Variants in APOOL observed in about 807,000 individuals in gnomAD.
The protein encoded by APOOL is MICOS complex subunit MIC27.
APOOL carries 12 observed loss-of-function variants against 23.1 expected under a neutral mutation model. The observed-to-expected ratio is 0.52, with a 90% CI of 0.33 to 0.84. The LOEUF is 0.84. Among genes scored for constraint, APOOL ranks in the 40% least tolerant of loss-of-function variants. The probability of loss-of-function intolerance (pLI) is 0.02; values close to 1 mark genes in which losing one functional copy is unlikely to be tolerated. For synonymous variants in APOOL, 77 were observed against 69.9 expected (o/e 1.10, Z -0.51); for missense variants, 212 against 199.6 (o/e 1.06, Z -0.37).
At chrX:85,020,875 C>T (rs767078094) in intron 1 of APOOL, among the ~76,000 whole-genome samples, 2 of 111,591 alleles carry the variant, frequency 1.8e-5, no homozygotes, top group South Asian at 7.6e-4. Flanking sequence ...TCCAGGCCTC[C>T]CTAGTGCTAG....
chrX:85,077,076 CATATATAT>C (rs72425038), intron 8 of APOOL, among the ~76,000 whole-genome samples: 2 of 86,942 alleles, frequency 2.3e-5, no homozygotes, highest in Non-Finnish European at 4.3e-5. Context: ...TATATATATA[CATATATAT>C]ATATATATAC....
chrX:85,053,654 A>G (rs760033613), intron 3 of APOOL, among the ~76,000 whole-genome samples: 4 of 111,297 alleles, frequency 3.6e-5, no homozygotes, highest in African/African-American at 1.3e-4. Context: ...AAGTGAGGTA[A>G]TACCTAGCAC....
rs1380848525 is a variant in APOOL, at chrX:85,089,673, C to T, written c.*1995C>T. 1.8e-5 allele frequency: 2 copies of T among 111,393 alleles called. No individual in the cohort carries two copies. The highest frequency in any genetic ancestry group is 5.6e-4 in the East Asian group (2 of 3,545). The allele number at this position is 111,393 out of a possible 1,213,427, so 9.2% of individuals were successfully genotyped here. On this transcript the variant is annotated 3_prime_UTR_variant, in exon 9 of 9. Transcript: ENST00000373173. Reference sequence around the variant, plus strand: ...TTTCAACCCCCATATCTCTCTAGTGCTGTAGACCTTTATTTCTACTTACTA... The same window carrying T: ...TTTCAACCCCCATATCTCTCTAGTGTTGTAGACCTTTATTTCTACTTACTA...
At chrX:85,014,728 C>CT (rs1379985843) in intron 1 of APOOL, among the ~76,000 whole-genome samples, 2 of 108,603 alleles carry the variant, frequency 1.8e-5, no homozygotes, top group Non-Finnish European at 3.8e-5. Context: ...TTACCTGATG[C>CT]TTTTGTCTCA....
At position 85,074,017 on chromosome X, in the gene APOOL, A is replaced by G; in HGVS notation, c.506A>G (p.Tyr169Cys). 1 of 1,163,571 alleles carries G rather than the reference A, an allele frequency of 8.6e-7. No homozygotes were observed. Among genetic ancestry groups the G allele is most frequent in the Non-Finnish European group, 1.1e-6 (1 of 871,409 alleles). The change falls in exon 7 of 9, where the codon TAT (tyrosine) becomes TGT (cysteine). Residue 169 changes from tyrosine to cysteine, a missense_variant. Transcript: ENST00000373173. ...AATTAGGTAACAGCAAAAAAGGTAT[A>G]TGCTACAAGCCAGCAAATTTTTGGA... ...IIAKVTAKKVYATSQQIFGAV... is the reference protein window; with the variant it reads ...IIAKVTAKKVCATSQQIFGAV...
intron 8 of APOOL, among the ~76,000 whole-genome samples, chrX:85,081,873 CT>C (rs750231523): frequency 8.9e-6 from 1 of 111,872 alleles, no homozygotes; most frequent in Non-Finnish European, 1.9e-5. Context: ...CCTTTCTTCA[CT>C]TGATCAAATC....
rs755580484 is a variant in APOOL, at chrX:85,051,412, G to A, written c.144G>A (p.Pro48=). The A allele has an allele frequency of 3.2e-5, 39 of 1,207,893 alleles. No individual in the cohort carries two copies. In the Admixed American group the frequency reaches 6.6e-4, roughly 20 times the overall value. The change falls in exon 3 of 9, where the codon CCG becomes CCA. Residue 48 remains proline, a synonymous_variant. Coordinates refer to ENST00000373173, the MANE Select transcript of APOOL (RefSeq NM_198450.6). ...PEQLPIYTAP[P]LQSKYVEEQP... The stretch of plus-strand genomic sequence containing the variant: ...AGCTCCCCATATATACTGCACCACC[G>A]CTCCAGTCTAAATATGTTGAAGAGC...
Position 85,093,077 on chromosome X carries a change from G to A in APOOL, c.*5399G>A. 1 of 760,828 alleles carries A rather than the reference G, an allele frequency of 1.3e-6. No homozygotes were observed. Among genetic ancestry groups the A allele is most frequent in the South Asian group, 2.8e-5 (1 of 36,142 alleles). The allele number at this position is 760,828 out of a possible 1,213,427, so 62.7% of individuals were successfully genotyped here. A position where few individuals can be genotyped will look rare whatever the true frequency, so the allele number is the denominator to read the frequency against. On this transcript the variant is annotated 3_prime_UTR_variant, in exon 9 of 9. Coordinates refer to ENST00000373173, the MANE Select transcript of APOOL (RefSeq NM_198450.6). The stretch of plus-strand genomic sequence containing the variant: ...ATTTGGGTAGAAATTTGAAGTATAT[G>A]TTGGGGTTATGTTCAAATGGTGAGA...
chrX:85,016,753 C>G (rs770388369), intron 1 of APOOL, among the ~76,000 whole-genome samples: 17 of 112,034 alleles, frequency 1.5e-4, no homozygotes, highest in African/African-American at 5.2e-4. Flanking sequence ...CTCTACTGTG[C>G]CCAGCATTGC....
At chrX:85,073,971 A>C (rs1923751702) in intron 6 of APOOL, 27 bp from the exon 7 acceptor site, 11 of 1,028,243 alleles carry the variant, frequency 1.1e-5, no homozygotes, top group Non-Finnish European at 9.1e-6. Context: ...AAAATATGTT[A>C]TTTGACTTAC....
intron 8 of APOOL, among the ~76,000 whole-genome samples, chrX:85,079,441 G>A (rs754522171): frequency 6.9e-4 from 77 of 111,361 alleles, no homozygotes; most frequent in Non-Finnish European, 9.8e-4. Flanking sequence ...GGAGGAAGCC[G>A]ACTTAATTGT....
In APOOL at chrX:85,062,116, T is replaced by A. The variant is rs762916892; in HGVS notation, c.395-5011T>A. Among the ~76,000 whole-genome samples the A allele has an allele frequency of 6.1e-3, 687 of 112,122 alleles. 5 individuals are homozygous for A. Among genetic ancestry groups the A allele is most frequent in the African/African-American group, 0.021 (661 of 30,929 alleles). ...GTTGGTTTCAAAGAACATCTTTATT[T>A]CTGCCTTCATTTCATTATTTACCCA... On this transcript the variant is annotated intron_variant, in intron 5 of 8. Transcript: ENST00000373173.
chrX:85,039,232 AC>A (rs930027950), intron 1 of APOOL, among the ~76,000 whole-genome samples: 1 of 100,059 alleles, frequency 1.0e-5, no homozygotes, highest in African/African-American at 3.7e-5. Flanking sequence ...TTTGGTATCG[AC>A]TTTTTTTTTT....
Position 85,092,252 on chromosome X carries a change from G to C in APOOL, c.*4574G>C, listed in dbSNP as rs1688700008. 1 of 695,654 alleles carries C rather than the reference G, an allele frequency of 1.4e-6. No homozygotes were observed. Among genetic ancestry groups the C allele is most frequent in the Non-Finnish European group, 2.0e-6 (1 of 497,785 alleles). 57.3% of individuals were successfully genotyped at this position (695,654 alleles called of 1,213,427 possible). On this transcript the variant is annotated 3_prime_UTR_variant, in exon 9 of 9. Coordinates refer to ENST00000373173, the MANE Select transcript of APOOL (RefSeq NM_198450.6). The stretch of plus-strand genomic sequence containing the variant: ...AAAGTTGACTAGAGCTACAAAATCT[G>C]TTTCAAAATAAAAGATCTGCTCAAA...
intron 5 of APOOL, among the ~76,000 whole-genome samples, chrX:85,062,084 T>C (rs1359435628): frequency 1.8e-5 from 2 of 111,729 alleles, no homozygotes; most frequent in Non-Finnish European, 3.8e-5. Context: ...GTTGTGTCTT[T>C]GTTCTCGTTG....
intron 5 of APOOL, among the ~76,000 whole-genome samples, chrX:85,063,784 T>G (rs1923332144): frequency 9.0e-6 from 1 of 111,169 alleles, no homozygotes; most frequent in African/African-American, 3.3e-5. Context: ...TTACTGAGGA[T>G]TTTTGCATCG....
At chrX:85,038,524 GTTTTTTTTT>G (rs56248244) in intron 1 of APOOL, among the ~76,000 whole-genome samples, 1 of 43,432 alleles carries the variant, frequency 2.3e-5, no homozygotes, top group African/African-American at 1.1e-4. Context: ...TCTGGTACAA[GTTTTTTTTT>G]TTTTTTTTTT....
intron 1 of APOOL, among the ~76,000 whole-genome samples, chrX:85,022,939 A>G (rs1921721443): frequency 8.9e-6 from 1 of 111,755 alleles, no homozygotes; most frequent in Non-Finnish European, 1.9e-5. Context: ...TGCAGTCCTT[A>G]CTATAATGAG....
At chrX:85,011,106 G>A (rs745957474) in intron 1 of APOOL, among the ~76,000 whole-genome samples, 8 of 111,650 alleles carry the variant, frequency 7.2e-5, no homozygotes, top group Non-Finnish European at 1.3e-4. Flanking sequence ...GTGATGTTAA[G>A]CATTTTTTCA....
Sources: gnomAD v4.1 joint callset for allele counts (sites outside exome capture counted in the v4.1 genomes callset) on GRCh38, gnomAD v4.1.1 for gene constraint, MANE v1.5 for transcripts, NCBI Gene and HGNC (gene_info 2026-07-23, HGNC 2026-07-21) for gene names.